The following SYN1 variants were observed in gnomAD, a reference collection of about 807,000 sequenced individuals.
The protein encoded by SYN1 is synapsin I.
A neutral mutation model predicts 44.6 loss-of-function variants in SYN1; 8 were observed. That is an observed-to-expected ratio of 0.18 (90% confidence interval 0.11 to 0.32). The LOEUF (loss-of-function observed/expected upper bound fraction) is 0.32. Among genes scored for constraint, SYN1 ranks in the 10% least tolerant of loss-of-function variants. The pLI, the probability that SYN1 is intolerant of heterozygous loss-of-function variation, is 1.00. For missense variants in SYN1, 451 were observed against 639.4 expected (o/e 0.71, Z 3.18); for synonymous variants, 275 against 280.1 (o/e 0.98, Z 0.18).
Position 47,572,844 on chromosome X carries a change from G to T in SYN1, c.*20C>A. On this transcript the variant is annotated 3_prime_UTR_variant, in exon 13 of 13. Transcript: ENST00000295987. ...CAGAGAAGGGTTGCCCAGGGATTTT[G>T]GGGTTCTCAGAGTGGGGTATCAGTC... 8.3e-7 allele frequency: 1 copy of T among 1,211,191 alleles called. No homozygotes were observed. Among genetic ancestry groups the T allele is most frequent in the Non-Finnish European group, 1.1e-6 (1 of 895,182 alleles).
chrX:47,589,425 C>G (rs1369944860), intron 5 of SYN1, among the ~76,000 whole-genome samples: 1 of 106,290 alleles, frequency 9.4e-6, no homozygotes, highest in Admixed American at 1.0e-4. Context: ...AACCCTGTCT[C>G]TACTAAAAAT....
chrX:47,590,326 G>C, intron 5 of SYN1: 1 of 110,898 alleles, frequency 9.0e-6, no homozygotes, highest in South Asian at 4.0e-4. Context: ...CAGCCAACCT[G>C]TCCCCACCCT....
At chrX:47,609,038 A>ACACC (rs1386994413) in intron 1 of SYN1, among the ~76,000 whole-genome samples, 1 of 107,931 alleles carries the variant, frequency 9.3e-6, no homozygotes, top group African/African-American at 3.4e-5. Context: ...ACACACACAC[A>ACACC]CCATCGCTGA....
intron 2 of SYN1, 35 bp downstream of exon 2, chrX:47,607,106 A>T: frequency 1.7e-6 from 2 of 1,207,150 alleles, no homozygotes; most frequent in Non-Finnish European, 2.2e-6. Context: ...TGCAGTATGG[A>T]CAACTGACCC....
At chrX:47,583,726 G>T (rs2057809977) in intron 5 of SYN1, among the ~76,000 whole-genome samples, 1 of 111,836 alleles carries the variant, frequency 8.9e-6, no homozygotes, top group Non-Finnish European at 1.9e-5. Flanking sequence ...CTGCATGCTG[G>T]CTGCTCCCTC....
intron 5 of SYN1, among the ~76,000 whole-genome samples, chrX:47,588,120 T>G (rs771766229): frequency 3.0e-4 from 34 of 112,429 alleles, no homozygotes; most frequent in Admixed American, 5.6e-4. Context: ...GAACACACAG[T>G]ACTCAGCCAC....
intron 5 of SYN1, among the ~76,000 whole-genome samples, chrX:47,581,481 T>C (rs1299333621): frequency 9.0e-6 from 1 of 111,591 alleles, no homozygotes; most frequent in Non-Finnish European, 1.9e-5. Context: ...CACTTGCTTC[T>C]TTCACCATCA....
rs773187088 is a variant in SYN1 at position 47,572,981 on chromosome X, G to T, written c.2001C>A (p.Thr667=). Reference sequence around the variant, plus strand: ...CTGGCTCTGGAAGGTTGAAGGCATTGGTCAGAGACTGGGATTTGCTAGAGA... The same window carrying T: ...CTGGCTCTGGAAGGTTGAAGGCATTTGTCAGAGACTGGGATTTGCTAGAGA... The part of the protein sequence containing the change: ...HPQLNKSQSL[T]NAFNLPEPAP... The change falls in exon 13 of 13, where the codon ACC becomes ACA. Residue 667 remains threonine (T), a synonymous_variant. Transcript: ENST00000295987. 1.2e-5 allele frequency: 14 copies of T among 1,211,473 alleles called. No individual in the cohort carries two copies. The highest frequency in any genetic ancestry group is 1.6e-5 in the Non-Finnish European group (14 of 895,369).
At chrX:47,583,313 C>A in intron 5 of SYN1, 1 of 776,550 alleles carries the variant, frequency 1.3e-6, no homozygotes, top group South Asian at 2.8e-5. Flanking sequence ...CTAATCCCCC[C>A]CATAGGCTGC....
intron 5 of SYN1, among the ~76,000 whole-genome samples, chrX:47,578,971 C>T (rs911292709): frequency 8.9e-6 from 1 of 111,881 alleles, no homozygotes; most frequent in Admixed American, 9.4e-5. Flanking sequence ...CTCTGGGCAG[C>T]GGGCCAGGGA....
chrX:47,613,247 G>A (rs147714521), intron 1 of SYN1, among the ~76,000 whole-genome samples: 51 of 110,113 alleles, frequency 4.6e-4, no homozygotes, highest in Non-Finnish European at 8.9e-4. Context: ...CAACCAGGTA[G>A]ACAGCATGAG....
chrX:47,605,507 C>T, intron 3 of SYN1, 128 bp from the exon 4 acceptor site: 1 of 829,789 alleles, frequency 1.2e-6, no homozygotes, highest in Admixed American at 2.6e-5. Context: ...CCTCTGCACA[C>T]ATGTGTGAGC....
intron 6 of SYN1, 127 bp from the exon 7 acceptor site, chrX:47,576,767 G>T: frequency 1.1e-6 from 1 of 875,400 alleles, no homozygotes; most frequent in South Asian, 2.2e-5. Flanking sequence ...AGGTGGACAT[G>T]CCAAGGCGCT....
chrX:47,609,131 G>A (rs2239459), intron 1 of SYN1, among the ~76,000 whole-genome samples: 39,942 of 109,687 alleles, frequency 0.36, 5,365 homozygotes, highest in Non-Finnish European at 0.39. Context: ...TGGGGATGAT[G>A]AGGGTGTATC....
chrX:47,579,079 T>C (rs2057787526), intron 5 of SYN1, among the ~76,000 whole-genome samples: 1 of 111,329 alleles, frequency 9.0e-6, no homozygotes, highest in Non-Finnish European at 1.9e-5. Flanking sequence ...CCAGATCCGC[T>C]TTGCCGAGGC....
At chrX:47,583,808 T>G (rs2057810456) in intron 5 of SYN1, among the ~76,000 whole-genome samples, 1 of 111,674 alleles carries the variant, frequency 9.0e-6, no homozygotes, top group African/African-American at 3.3e-5. Flanking sequence ...AGGATGGCCT[T>G]CCCTGGCCAT....
intron 1 of SYN1, among the ~76,000 whole-genome samples, chrX:47,618,228 C>T (rs1276383515): frequency 1.8e-5 from 2 of 112,043 alleles, no homozygotes; most frequent in Non-Finnish European, 3.8e-5. Flanking sequence ...GCAGAAAGTG[C>T]TCAATACATG....
intron 3 of SYN1, among the ~76,000 whole-genome samples, chrX:47,605,658 TCA>T (rs778713205): frequency 9.0e-6 from 1 of 111,054 alleles, no homozygotes; most frequent in Admixed American, 9.6e-5. Context: ...TCACCATCTC[TCA>T]GACTGCAAGC....
chrX:47,609,551 C>T, intron 1 of SYN1, among the ~76,000 whole-genome samples: 1 of 112,377 alleles, frequency 8.9e-6, no homozygotes, highest in Middle Eastern at 4.6e-3. Flanking sequence ...CAAATCTCCA[C>T]CTCAAAGTCT....
Sources: gnomAD v4.1 joint callset for allele counts (sites outside exome capture counted in the v4.1 genomes callset) on GRCh38, gnomAD v4.1.1 for gene constraint, MANE v1.5 for transcripts, NCBI Gene and HGNC (gene_info 2026-07-23, HGNC 2026-07-21) for gene names.